ZCWPW2: variants seen among roughly 807,000 people sequenced by gnomAD.
The protein encoded by ZCWPW2 is zinc finger CW-type and PWWP domain containing 2.
ZCWPW2 carries 45 observed loss-of-function variants against 46.6 expected under a neutral mutation model. That is an observed-to-expected ratio of 0.96 (90% confidence interval 0.76 to 1.24). ZCWPW2 has a LOEUF of 1.24. ZCWPW2 is among the 50% of genes most tolerant of loss of function. ZCWPW2 has a pLI of 0.00. For synonymous variants in ZCWPW2, 152 were observed against 137.1 expected, an observed-to-expected ratio of 1.11 and a Z score of -0.76; for missense variants, 429 against 403.9, an observed-to-expected ratio of 1.06 and a Z score of -0.53.
intron 6 of ZCWPW2, among the ~76,000 whole-genome samples, chr3:28,500,588 A>G (rs1575213752): frequency 6.6e-6 from 1 of 152,146 alleles, no homozygotes. Context: ...TTCAGCTATT[A>G]TGTTTTCTGA....
chr3:28,421,013 A>C (rs1435608762), intron 3 of ZCWPW2, among the ~76,000 whole-genome samples: 1 of 151,966 alleles, frequency 6.6e-6, no homozygotes, highest in Non-Finnish European at 1.5e-5. Flanking sequence ...TATTTACTAG[A>C]CTTTATATTC....
At chr3:28,377,669 A>G (rs147545224) in intron 1 of ZCWPW2, among the ~76,000 whole-genome samples, 5 of 152,152 alleles carry the variant, frequency 3.3e-5, no homozygotes, top group Non-Finnish European at 7.4e-5. Context: ...TAAATTTTGT[A>G]TTCTGATTCA....
At position 28,413,405 on chromosome 3, in the gene ZCWPW2, G is replaced by A. The variant is rs752420699; in HGVS notation, c.332+5G>A. 2 of 1,593,994 alleles carry A rather than the reference G, an allele frequency of 1.3e-6. No individual in the cohort carries two copies. The highest frequency in any genetic ancestry group is 1.7e-6 in the Non-Finnish European group (2 of 1,167,528). ...AAAATTACAGAATTGGCCAAGGTAA[G>A]GTTTGTGTAGTTTTATGACTTTTGA... On this transcript the variant is annotated splice_donor_5th_base_variant and intron_variant, in intron 3 of 9. Coordinates refer to ENST00000383768, the MANE Select transcript of ZCWPW2 (RefSeq NM_001040432.4).
At chr3:28,349,341 C>G (rs954331514) in intron 1 of ZCWPW2, 138 bp downstream of exon 1, 1 of 360,690 alleles carries the variant, frequency 2.8e-6, no homozygotes, top group Non-Finnish European at 3.9e-6. Flanking sequence ...CTCAGTAGCG[C>G]TGTTACAGGC....
intron 4 of ZCWPW2, among the ~76,000 whole-genome samples, chr3:28,442,780 C>G (rs1697818853): frequency 6.6e-6 from 1 of 151,848 alleles, no homozygotes; most frequent in Admixed American, 6.6e-5. Context: ...ATCTATCTGT[C>G]TTCTGCACAG....
At position 28,390,533 on chromosome 3, in the gene ZCWPW2, T is replaced by C. The variant is rs1156808671; in HGVS notation, c.-98T>C. The C allele has an allele frequency of 1.0e-6, 1 of 985,286 alleles. No individual in the cohort carries two copies. The highest frequency in any genetic ancestry group is 1.7e-5 in the African/African-American group (1 of 57,250). The allele number at this position is 985,286 out of a possible 1,614,324, so 61.0% of individuals were successfully genotyped here. On this transcript the variant is annotated 5_prime_UTR_variant, in exon 2 of 10. Transcript: ENST00000383768. The stretch of plus-strand genomic sequence containing the variant: ...GTAGAACGCCTGCCTCTTTAGTGAC[T>C]ACAGACCTCACTTCCCTTCTCTGGA...
intron 1 of ZCWPW2, among the ~76,000 whole-genome samples, chr3:28,374,582 G>A (rs1043868949): frequency 2.0e-5 from 3 of 151,902 alleles, no homozygotes; most frequent in Admixed American, 6.6e-5. Context: ...TCATTTTAAT[G>A]GTATTAATTT....
intron 1 of ZCWPW2, among the ~76,000 whole-genome samples, chr3:28,389,007 C>A (rs1404503382): frequency 6.6e-6 from 1 of 152,200 alleles, no homozygotes; most frequent in African/African-American, 2.4e-5. Context: ...TCCATCACAG[C>A]TCCCTTCTTT....
At chr3:28,491,490 G>A (rs1306010408) in intron 5 of ZCWPW2, among the ~76,000 whole-genome samples, 1 of 152,074 alleles carries the variant, frequency 6.6e-6, no homozygotes, top group Non-Finnish European at 1.5e-5. Context: ...GTGGCATAAT[G>A]AGAAAATGTA....
intron 4 of ZCWPW2, among the ~76,000 whole-genome samples, chr3:28,468,294 C>T (rs377361070): frequency 5.9e-5 from 9 of 151,318 alleles, no homozygotes; most frequent in East Asian, 1.9e-4. Flanking sequence ...AAAAAAAGAA[C>T]GAAGCACACC....
chr3:28,481,870 T>C (rs945665679), intron 5 of ZCWPW2, among the ~76,000 whole-genome samples: 1 of 152,112 alleles, frequency 6.6e-6, no homozygotes, highest in African/African-American at 2.4e-5. Flanking sequence ...GAAGATTGAG[T>C]GGAAAGTACA....
At chr3:28,470,509 A>AG (rs1559517990) in intron 4 of ZCWPW2, among the ~76,000 whole-genome samples, 5 of 149,238 alleles carry the variant, frequency 3.4e-5, no homozygotes, top group Admixed American at 6.7e-5. Flanking sequence ...AAAAAAAAAA[A>AG]AAAGGAAGGA....
chr3:28,349,839 TAACTATCAGCCC>T (rs1704469730), intron 1 of ZCWPW2, among the ~76,000 whole-genome samples: 1 of 152,244 alleles, frequency 6.6e-6, no homozygotes, highest in Non-Finnish European at 1.5e-5. Flanking sequence ...TCTGTCCGCT[TAACTATCAGCCC>T]AACTGTCAGC....
intron 1 of ZCWPW2, among the ~76,000 whole-genome samples, chr3:28,351,845 T>C (rs997303051): frequency 6.6e-6 from 1 of 152,124 alleles, no homozygotes; most frequent in Non-Finnish European, 1.5e-5. Context: ...GAAATGGCAG[T>C]GTCTGTCTTT....
chr3:28,392,208 G>GT (rs2125718996), intron 2 of ZCWPW2, among the ~76,000 whole-genome samples: 1 of 152,224 alleles, frequency 6.6e-6, no homozygotes, highest in East Asian at 1.9e-4. Flanking sequence ...GTCAAAAACT[G>GT]TAAGATGAAA....
At chr3:28,435,046 T>C (rs1697425096) in intron 3 of ZCWPW2, 64 bp from the exon 4 acceptor site, 2 of 1,560,826 alleles carry the variant, frequency 1.3e-6, no homozygotes, top group Non-Finnish European at 1.7e-6. Flanking sequence ...ATGCGATTGA[T>C]AGACGTGTTG....
At chr3:28,460,225 T>G (rs886293901) in intron 4 of ZCWPW2, among the ~76,000 whole-genome samples, 1 of 151,796 alleles carries the variant, frequency 6.6e-6, no homozygotes, top group African/African-American at 2.4e-5. Flanking sequence ...CAATCTGATG[T>G]AAGGGGTCAC....
At chr3:28,370,186 C>T (rs966209456) in intron 1 of ZCWPW2, among the ~76,000 whole-genome samples, 3 of 152,150 alleles carry the variant, frequency 2.0e-5, no homozygotes, top group Non-Finnish European at 4.4e-5. Flanking sequence ...TCTGACACTC[C>T]CCAGTGAGAT....
Position 28,390,487 on chromosome 3 carries a change from A to T in ZCWPW2, c.-133-11A>T. On this transcript the variant is annotated splice_polypyrimidine_tract_variant and intron_variant, in intron 1 of 9. Coordinates refer to ENST00000383768, the MANE Select transcript of ZCWPW2 (RefSeq NM_001040432.4). The stretch of plus-strand genomic sequence containing the variant: ...TTTTAAATTTGCTAGATTGATGTAT[A>T]ACTTCTTCAGATTCATCCCAGTAGA... 2.0e-6 allele frequency: 2 copies of T among 985,278 alleles called. No individual in the cohort carries two copies. Among genetic ancestry groups the T allele is most frequent in the Non-Finnish European group, 2.4e-6 (2 of 829,836 alleles). The allele number at this position is 985,278 out of a possible 1,614,324, so 61.0% of individuals were successfully genotyped here. A position where few individuals can be genotyped will look rare whatever the true frequency, so the allele number is the denominator to read the frequency against.
Sources: allele counts gnomAD v4.1 joint callset (sites outside exome capture counted in the v4.1 genomes callset), GRCh38; gene constraint gnomAD v4.1.1; transcripts MANE v1.5; gene names NCBI Gene and HGNC (gene_info 2026-07-23, HGNC 2026-07-21).